RFX2: variants seen among roughly 807,000 people sequenced by gnomAD.
The protein encoded by RFX2 is regulatory factor X2, also known as DNA-binding protein RFX2.
Under a neutral mutation model 87.8 loss-of-function variants are expected in RFX2, and 20 were observed. The observed-to-expected ratio is 0.23, with a 90% CI of 0.16 to 0.33. The LOEUF is 0.33. Among genes scored for constraint, RFX2 ranks in the 10% least tolerant of loss-of-function variants. RFX2 has a pLI of 1.00. For missense variants in RFX2, 767 were observed against 1,012.3 expected (o/e 0.76, Z 3.29); for synonymous variants, 397 against 431.3 (o/e 0.92, Z 0.98).
intron 17 of RFX2, among the ~76,000 whole-genome samples, 162 bp downstream of exon 17, chr19:5,995,439 T>C (rs452767): frequency 0.53 from 80,124 of 152,064 alleles, 21,358 homozygotes; most frequent in Middle Eastern, 0.65. Context: ...CACCTGCTGC[T>C]CAGGCATCAC....
intron 1 of RFX2, among the ~76,000 whole-genome samples, chr19:6,052,233 T>C (rs1456596692): frequency 1.3e-5 from 2 of 152,042 alleles, no homozygotes; most frequent in Non-Finnish European, 2.9e-5. Context: ...AAATAGACTC[T>C]GAGATGAGAA....
intron 1 of RFX2, among the ~76,000 whole-genome samples, chr19:6,070,154 G>A (rs867539266): frequency 4.7e-5 from 2 of 42,560 alleles, no homozygotes; most frequent in African/African-American, 8.5e-5. Context: ...ATGGGATGTG[G>A]ATGGGATGGG....
At chr19:6,057,670 G>A (rs1423331731) in intron 1 of RFX2, among the ~76,000 whole-genome samples, 1 of 152,150 alleles carries the variant, frequency 6.6e-6, no homozygotes, top group African/African-American at 2.4e-5. Context: ...CCTGGTACTC[G>A]CTGGCCTCCA....
rs117749702 is a variant in RFX2, at chr19:6,074,692, G to C, written c.-8-27188C>G. Among the ~76,000 whole-genome samples, 22 of 152,298 alleles carry C rather than the reference G, an allele frequency of 1.4e-4. No individual in the cohort carries two copies. The East Asian group carries it at 2.1e-3, about 15-fold the overall frequency. On this transcript the variant is annotated intron_variant, in intron 1 of 17. Coordinates refer to ENST00000303657, the MANE Select transcript of RFX2 (RefSeq NM_000635.4). This position sits in a 1 kb window ranked among gnomAD's most constrained non-coding sequence, Gnocchi z 5.2. The stretch of plus-strand genomic sequence containing the variant: ...AAAAATACACTCAAATGCACAAGTG[G>C]AGTGCGGCATGGGCCAGGGGCAACA...
chr19:6,091,130 T>C (rs993053147), intron 1 of RFX2, among the ~76,000 whole-genome samples: 9 of 152,168 alleles, frequency 5.9e-5, no homozygotes, highest in African/African-American at 1.9e-4. Flanking sequence ...TAGAGAGTGA[T>C]GATGGCTTCA....
Position 6,104,946 on chromosome 19 carries a change from T to C in RFX2, c.-9+5447A>G, listed in dbSNP as rs1031167465. Among the ~76,000 whole-genome samples, 23 of 151,886 alleles carry C rather than the reference T, an allele frequency of 1.5e-4. 1 individual carries two copies. Among genetic ancestry groups the C allele is most frequent in the African/African-American group, 5.1e-4 (21 of 41,364 alleles). The stretch of plus-strand genomic sequence containing the variant: ...CATCTTGGCCAGCATGGTGAAACCC[T>C]GTCTCTACTAAAAATACAACAATTA... On this transcript the variant is annotated intron_variant, in intron 1 of 17. Transcript: ENST00000303657.
chr19:6,085,053 T>C (rs2087837712), intron 1 of RFX2, among the ~76,000 whole-genome samples: 1 of 152,258 alleles, frequency 6.6e-6, no homozygotes, highest in Non-Finnish European at 1.5e-5. Flanking sequence ...GGCTGAATAG[T>C]ATTCCATTGT....
intron 1 of RFX2, among the ~76,000 whole-genome samples, chr19:6,105,929 A>G (rs1160024689): frequency 1.3e-5 from 2 of 152,130 alleles, no homozygotes; most frequent in East Asian, 3.9e-4. Context: ...GCCTGTCAGA[A>G]TCCACCTGGA....
At chr19:6,109,692 AAAGT>A (rs962023397) in intron 1 of RFX2, among the ~76,000 whole-genome samples, 5 of 152,166 alleles carry the variant, frequency 3.3e-5, no homozygotes, top group African/African-American at 7.2e-5. Flanking sequence ...TTTGGGGAGT[AAAGT>A]AAGAAGAGGG....
chr19:5,994,741 A>G lies in RFX2; in HGVS notation c.*94T>C, dbSNP rs2086379779. On this transcript the variant is annotated 3_prime_UTR_variant, in exon 18 of 18. Transcript: ENST00000303657. Reference sequence around the variant, plus strand: ...GTCAAAGTAAACATCACATCATCTAAGAGGCACTAATTTGGTGGAGCCGGT... The same window carrying G: ...GTCAAAGTAAACATCACATCATCTAGGAGGCACTAATTTGGTGGAGCCGGT... 3.8e-6 allele frequency: 3 copies of G among 781,380 alleles called. No individual in the cohort carries two copies. The highest frequency in any genetic ancestry group is 2.1e-6 in the Non-Finnish European group (1 of 466,802). The allele number at this position is 781,380 out of a possible 1,614,324, so 48.4% of individuals were successfully genotyped here.
chr19:6,023,258 CCA>C lies in RFX2; in HGVS notation c.597+2903_597+2904del, dbSNP rs2086843742. ...ATGGGTCTCCAGGGCCCAGCTGCTC[CCA>C]CACACTTGGCTTATCTGCCACAGGG... On this transcript the variant is annotated intron_variant, in intron 6 of 17. Coordinates refer to ENST00000303657, the MANE Select transcript of RFX2 (RefSeq NM_000635.4). The surrounding 1 kb of genome is among the most constrained non-coding windows in gnomAD (Gnocchi z 4.9). 6.6e-6 allele frequency: 1 copy of C among 152,350 alleles called. No individual in the cohort carries two copies. Among genetic ancestry groups the C allele is most frequent in the Admixed American group, 6.5e-5 (1 of 15,270 alleles). 9.4% of individuals were successfully genotyped at this position (152,350 alleles called of 1,614,324 possible).
At position 6,063,258 on chromosome 19, in the gene RFX2, C is replaced by T. The variant is rs374105886; in HGVS notation, c.-8-15754G>A. ...CTGATTCCAACGGAATTGGAGCCTA[C>T]GCCTGCCAGACCCCCAGGCCTGAGC... On this transcript the variant is annotated intron_variant, in intron 1 of 17. Transcript: ENST00000303657. This position sits in a 1 kb window ranked among gnomAD's most constrained non-coding sequence, Gnocchi z 4.0. Among the ~76,000 whole-genome samples, 3 of 152,180 alleles carry T rather than the reference C, an allele frequency of 2.0e-5. No individual in the cohort carries two copies. The highest frequency in any genetic ancestry group is 4.4e-5 in the Non-Finnish European group (3 of 68,038).
At chr19:6,060,358 G>C (rs1398722509) in intron 1 of RFX2, among the ~76,000 whole-genome samples, 2 of 152,124 alleles carry the variant, frequency 1.3e-5, no homozygotes, top group African/African-American at 4.8e-5. Context: ...ACAGGAAAAG[G>C]CTGCTGGCCC....
Position 6,039,116 on chromosome 19 carries a change from A to G in RFX2, c.522+864T>C, listed in dbSNP as rs964065235. On this transcript the variant is annotated intron_variant, in intron 5 of 17. Transcript: ENST00000303657. The surrounding 1 kb of genome is among the most constrained non-coding windows in gnomAD (Gnocchi z 5.2). ...AATAAACAAACTGTAGTGTAATAGA[A>G]TATTACTCAGTAACAAAAAAAAGCA... Among the ~76,000 whole-genome samples the G allele has an allele frequency of 3.9e-5, 6 of 152,248 alleles. No homozygotes were observed. Among genetic ancestry groups the G allele is most frequent in the African/African-American group, 1.4e-4 (6 of 41,472 alleles).
rs747340032 is a variant in RFX2, at chr19:5,994,811, TCGA to T, written c.*21_*23del. ...TGACCAGGCGGCATCTTTTGGAACC[TCGA>T]GGAGGCGCCGGCCGGGGCTGCTAGA... On this transcript the variant is annotated 3_prime_UTR_variant, in exon 18 of 18. Coordinates refer to ENST00000303657, the MANE Select transcript of RFX2 (RefSeq NM_000635.4). 46 of 1,378,592 alleles carry T rather than the reference TCGA, an allele frequency of 3.3e-5. No individual in the cohort carries two copies. Among genetic ancestry groups the T allele is most frequent in the Non-Finnish European group, 4.3e-5 (42 of 978,340 alleles). The allele number at this position is 1,378,592 out of a possible 1,614,324, so 85.4% of individuals were successfully genotyped here. A position where few individuals can be genotyped will look rare whatever the true frequency, so the allele number is the denominator to read the frequency against.
chr19:6,039,937 TA>T lies in RFX2; in HGVS notation c.522+42del, dbSNP rs778336350. ...ATCCCTGCTGCCGCTGCTTCGAGAA[TA>T]CTCATGGCCTACCCTGCTGGTCCCA... On this transcript the variant is annotated intron_variant, in intron 5 of 17. Transcript: ENST00000303657. The surrounding 1 kb of genome is among the most constrained non-coding windows in gnomAD (Gnocchi z 5.2). The T allele has an allele frequency of 2.0e-6, 3 of 1,492,040 alleles. No individual in the cohort carries two copies. The highest frequency in any genetic ancestry group is 2.7e-6 in the Non-Finnish European group (3 of 1,108,836). 92.4% of individuals were successfully genotyped at this position (1,492,040 alleles called of 1,614,324 possible). A position where few individuals can be genotyped will look rare whatever the true frequency, so the allele number is the denominator to read the frequency against.
At position 6,007,736 on chromosome 19, in the gene RFX2, T is replaced by C. The variant is rs1345572661; in HGVS notation, c.1201A>G (p.Asn401Asp). ...YIEKLWLSFW[N>D]SKASSSDGPT... ...CCGTCGCTGGAGGAGGCCTTAGAGT[T>C]CCAGAAGGAGAGCCACAGCTTCTCG... Residue 401 changes from asparagine to aspartate, a missense_variant, in exon 11 of 18, where the codon AAC (asparagine) becomes GAC (aspartate). Physicochemically the swap from Asn to Asp is conservative, Grantham distance 23. Around this residue, in one of 2 missense-constraint regions of RFX2, gnomAD observed 621 missense variants for 873.0 expected, o/e 0.71. Transcript: ENST00000303657. The surrounding 1 kb of genome is among the most constrained non-coding windows in gnomAD (Gnocchi z 8.2). The C allele has an allele frequency of 3.2e-6, 5 of 1,556,206 alleles. No homozygotes were observed. In the African/African-American group the frequency reaches 6.8e-5, roughly 21 times the overall value.
intron 1 of RFX2, among the ~76,000 whole-genome samples, chr19:6,060,416 G>A (rs529199774): frequency 6.6e-5 from 10 of 152,238 alleles, no homozygotes; most frequent in African/African-American, 2.4e-4. Context: ...AGGACCCACC[G>A]ATCAAGCCTG....
In RFX2 at chr19:6,004,205, G is replaced by T. The variant is rs772491034; in HGVS notation, c.1496C>A (p.Thr499Asn). The part of the protein sequence containing the change: ...MSDFPQQVIQ[T>N]KVGVVSAFAQ... Reference sequence around the variant, plus strand: ...CAGGCCCCACCCCGGACGCACCTTGGTCTGGATGACCTGTTGTGGGAAGTC... The same window carrying T: ...CAGGCCCCACCCCGGACGCACCTTGTTCTGGATGACCTGTTGTGGGAAGTC... Residue 499 changes from threonine to asparagine, a missense_variant, in exon 13 of 18, where the codon ACC becomes AAC. Thr to Asn is a moderately conservative substitution (Grantham distance 65). Around this residue, in one of 2 missense-constraint regions of RFX2, gnomAD observed 621 missense variants for 873.0 expected, o/e 0.71. Transcript: ENST00000303657. The surrounding 1 kb of genome is among the most constrained non-coding windows in gnomAD (Gnocchi z 4.8). 1.9e-6 allele frequency: 3 copies of T among 1,611,976 alleles called. No homozygotes were observed. Among genetic ancestry groups the T allele is most frequent in the Admixed American group, 1.7e-5 (1 of 59,866 alleles).
Sources: allele counts gnomAD v4.1 joint callset (sites outside exome capture counted in the v4.1 genomes callset), GRCh38; gene constraint gnomAD v4.1.1; regional missense constraint gnomAD v4.1.1; non-coding constraint Gnocchi (gnomAD v3.1); transcripts MANE v1.5; gene names NCBI Gene and HGNC (gene_info 2026-07-23, HGNC 2026-07-21).